EIF5: variants seen among roughly 807,000 people sequenced by gnomAD.
EIF5 encodes the protein eukaryotic translation initiation factor 5.
A neutral mutation model predicts 48.3 loss-of-function variants in EIF5; 10 were observed. The ratio of observed to expected loss-of-function variants is 0.21; its 90% CI spans 0.13 to 0.35. The LOEUF is 0.35. EIF5 is among the 10% of genes least tolerant of loss of function. The pLI is 1.00. For missense variants in EIF5, 397 were observed against 533.2 expected (o/e 0.74, Z 2.51); for synonymous variants, 237 against 173.1 (o/e 1.37, Z -2.90).
Position 103,345,016 on chromosome 14 carries a change from GTCAA to G in EIF5, c.*3969_*3972del, listed in dbSNP as rs1416767163. On this transcript the variant is annotated 3_prime_UTR_variant, in exon 12 of 12. Transcript: ENST00000216554. ...TAGATTTTAATAAAGTGTGAAAGTT[GTCAA>G]TCAAAGCGGAGTCACTTGTGTTCAA... is the stretch of plus-strand genomic sequence containing the variant. The G allele has an allele frequency of 7.9e-5, 12 of 152,206 alleles. No homozygotes were observed. Among genetic ancestry groups the G allele is most frequent in the East Asian group, 1.9e-4 (1 of 5,196 alleles). The allele number at this position is 152,206 out of a possible 1,614,324, so 9.4% of individuals were successfully genotyped here. A position where few individuals can be genotyped will look rare whatever the true frequency, so the allele number is the denominator to read the frequency against.
Position 103,344,885 on chromosome 14 carries a change from T to G in EIF5, c.*3833T>G, listed in dbSNP as rs1403053665. 1 of 152,044 alleles carries G rather than the reference T, an allele frequency of 6.6e-6. No homozygotes were observed. The highest frequency in any genetic ancestry group is 2.4e-5 in the African/African-American group (1 of 41,290). 9.4% of individuals were successfully genotyped at this position (152,044 alleles called of 1,614,324 possible). On this transcript the variant is annotated 3_prime_UTR_variant, in exon 12 of 12. Coordinates refer to ENST00000216554, the MANE Select transcript of EIF5 (RefSeq NM_001969.5). ...TTTTTAGGTCTAGCAATACACTGTT[T>G]ACAAGAGCATCACCTAAAATGTGAC...
At chr14:103,338,666 G>C (rs1342022889) in intron 7 of EIF5, 69 bp from the exon 8 acceptor site, 1 of 1,567,912 alleles carries the variant, frequency 6.4e-7, no homozygotes, top group Non-Finnish European at 8.6e-7. Flanking sequence ...CCATTAACTT[G>C]GCAAAATCTG....
At position 103,338,624 on chromosome 14, in the gene EIF5, G is replaced by T. The variant is rs1055183350; in HGVS notation, c.586-111G>T. 4 of 1,522,558 alleles carry T rather than the reference G, an allele frequency of 2.6e-6. No individual in the cohort carries two copies. In the African/African-American group the frequency reaches 5.6e-5, roughly 21 times the overall value. 94.3% of individuals were successfully genotyped at this position (1,522,558 alleles called of 1,614,324 possible). A position where few individuals can be genotyped will look rare whatever the true frequency, so the allele number is the denominator to read the frequency against. On this transcript the variant is annotated intron_variant, in intron 7 of 11. Coordinates refer to ENST00000216554, the MANE Select transcript of EIF5 (RefSeq NM_001969.5). Reference sequence around the variant, plus strand: ...TACTGTTTGTTGTTTGAATTAAGGTGAACCCAATTTTGGATGGAGATGGAC... The same window carrying T: ...TACTGTTTGTTGTTTGAATTAAGGTTAACCCAATTTTGGATGGAGATGGAC...
At chr14:103,340,681 A>T (rs1389344603) in intron 11 of EIF5, 120 bp downstream of exon 11, 9 of 1,319,348 alleles carry the variant, frequency 6.8e-6, no homozygotes, top group Non-Finnish European at 9.3e-6. Flanking sequence ...AGAATTTAAG[A>T]TGCAGTAAAA....
chr14:103,343,432 A>G lies in EIF5; in HGVS notation c.*2380A>G, dbSNP rs1190474942. Reference sequence around the variant, plus strand: ...CAGGTGCTTAATAGGGAACATACATACAGCTATGTAACTGTGAATAATTGT... The same window carrying G: ...CAGGTGCTTAATAGGGAACATACATGCAGCTATGTAACTGTGAATAATTGT... On this transcript the variant is annotated 3_prime_UTR_variant, in exon 12 of 12. Coordinates refer to ENST00000216554, the MANE Select transcript of EIF5 (RefSeq NM_001969.5). 1 of 151,944 alleles carries G rather than the reference A, an allele frequency of 6.6e-6. No individual in the cohort carries two copies. Among genetic ancestry groups the G allele is most frequent in the Non-Finnish European group, 1.5e-5 (1 of 67,968 alleles). 9.4% of individuals were successfully genotyped at this position (151,944 alleles called of 1,614,324 possible).
At chr14:103,340,818 T>TG (rs2089344764) in intron 11 of EIF5, 145 bp from the exon 12 acceptor site, 2 of 913,808 alleles carry the variant, frequency 2.2e-6, no homozygotes, top group South Asian at 3.3e-5. Flanking sequence ...TAAGAGAACT[T>TG]GCAGTGTTTG....
intron 8 of EIF5, 51 bp from the exon 9 acceptor site, chr14:103,339,121 C>A: frequency 6.4e-7 from 1 of 1,562,070 alleles, no homozygotes; most frequent in South Asian, 1.2e-5. Flanking sequence ...GTGTCTTGAG[C>A]CTGGCAAAGT....
chr14:103,338,883 A>G lies in EIF5; in HGVS notation c.734A>G (p.Asp245Gly), dbSNP rs2089320239. 1.9e-6 allele frequency: 3 copies of G among 1,613,568 alleles called. No individual in the cohort carries two copies. Among genetic ancestry groups the G allele is most frequent in the Non-Finnish European group, 2.5e-6 (3 of 1,179,864 alleles). ...GAGGAGAGGGTCAATATCCTCTTTG[A>G]TTTTGTTAAGGTAAAACATTTGCTT... is the stretch of plus-strand genomic sequence containing the variant. ...TIEERVNILF[D>G]FVKKKKEEGV... Residue 245 changes from aspartate (D) to glycine (G), a missense_variant, in exon 8 of 12, where the codon GAT (aspartate) becomes GGT (glycine). Around this residue, in one of 4 missense-constraint regions of EIF5, gnomAD observed 126 missense variants for 141.9 expected, o/e 0.89. Coordinates refer to ENST00000216554, the MANE Select transcript of EIF5 (RefSeq NM_001969.5).
chr14:103,343,060 C>T lies in EIF5; in HGVS notation c.*2008C>T, dbSNP rs771259473. The T allele has an allele frequency of 1.3e-5, 2 of 152,626 alleles. No homozygotes were observed. Among genetic ancestry groups the T allele is most frequent in the Non-Finnish European group, 2.9e-5 (2 of 68,038 alleles). The allele number at this position is 152,626 out of a possible 1,614,324, so 9.5% of individuals were successfully genotyped here. On this transcript the variant is annotated 3_prime_UTR_variant, in exon 12 of 12. Coordinates refer to ENST00000216554, the MANE Select transcript of EIF5 (RefSeq NM_001969.5). ...GGAATACAAATTCACATAATCTGAA[C>T]TTTGTTCACAGGTTATCCTAATAGA...
intron 10 of EIF5, 26 bp downstream of exon 10, chr14:103,339,829 A>G (rs763105240): frequency 6.2e-7 from 1 of 1,603,930 alleles, no homozygotes; most frequent in South Asian, 1.1e-5. Flanking sequence ...GTGGGCTCTT[A>G]AAGTTCACAG....
chr14:103,340,659 A>G, intron 11 of EIF5, 98 bp downstream of exon 11: 1 of 1,474,582 alleles, frequency 6.8e-7, no homozygotes, highest in Non-Finnish European at 9.1e-7. Context: ...AGTTTGGGGT[A>G]ATTTCAGGTT....
chr14:103,334,348 C>G (rs370321864), intron 1 of EIF5, 41 bp from the exon 2 acceptor site: 2,475 of 152,384 alleles, frequency 0.016, 28 homozygotes, highest in East Asian at 0.03. Context: ...AGGTGCACTC[C>G]CCGACCGCCC....
rs2089397742 is a variant in EIF5 at position 103,344,973 on chromosome 14, T to C, written c.*3921T>C. ...ATACACTAACCAAAAATGTAGCTCT[T>C]TGAATCTCAGAAAAAAGTAGATTTT... On this transcript the variant is annotated 3_prime_UTR_variant, in exon 12 of 12. Transcript: ENST00000216554. The C allele has an allele frequency of 6.6e-6, 1 of 151,844 alleles. No individual in the cohort carries two copies. Among genetic ancestry groups the C allele is most frequent in the South Asian group, 2.1e-4 (1 of 4,824 alleles). 9.4% of individuals were successfully genotyped at this position (151,844 alleles called of 1,614,324 possible).
At position 103,341,963 on chromosome 14, in the gene EIF5, C is replaced by T. The variant is rs2089357851; in HGVS notation, c.*911C>T. The T allele has an allele frequency of 6.6e-6, 1 of 152,474 alleles. No individual in the cohort carries two copies. Among genetic ancestry groups the T allele is most frequent in the Non-Finnish European group, 1.5e-5 (1 of 67,968 alleles). The allele number at this position is 152,474 out of a possible 1,614,324, so 9.4% of individuals were successfully genotyped here. A position where few individuals can be genotyped will look rare whatever the true frequency, so the allele number is the denominator to read the frequency against. ...TGCCCTTAGGGTTTAAATTACAATT[C>T]CAAAATGTTAGACATACTGTATTTT... On this transcript the variant is annotated 3_prime_UTR_variant, in exon 12 of 12. Coordinates refer to ENST00000216554, the MANE Select transcript of EIF5 (RefSeq NM_001969.5).
intron 9 of EIF5, 144 bp downstream of exon 9, chr14:103,339,477 C>T: frequency 7.2e-7 from 1 of 1,393,996 alleles, no homozygotes; most frequent in South Asian, 1.4e-5. Context: ...TCTGAAAGTG[C>T]CATACCTAGG....
rs756236739 is a variant in EIF5, at chr14:103,338,955, T to C, written c.744+62T>C. 130 of 1,572,910 alleles carry C rather than the reference T, an allele frequency of 8.3e-5. No homozygotes were observed. In the Middle Eastern group the frequency reaches 1.2e-3, roughly 14 times the overall value. On this transcript the variant is annotated intron_variant, in intron 8 of 11. Coordinates refer to ENST00000216554, the MANE Select transcript of EIF5 (RefSeq NM_001969.5). The stretch of plus-strand genomic sequence containing the variant: ...CCAGCCTTGTTTGTGCCTTTAGATA[T>C]ATGATACTTTAGCAGTGTAATTAGG...
chr14:103,340,769 T>TA (rs78159990), intron 11 of EIF5, among the ~76,000 whole-genome samples, 194 bp from the exon 12 acceptor site: 22 of 152,276 alleles, frequency 1.4e-4, no homozygotes, highest in South Asian at 6.2e-4. Flanking sequence ...TTATAGTCTA[T>TA]AAAAAAACTT....
Position 103,341,153 on chromosome 14 carries a change from C to CA in EIF5, c.*102dup. On this transcript the variant is annotated 3_prime_UTR_variant, in exon 12 of 12. Coordinates refer to ENST00000216554, the MANE Select transcript of EIF5 (RefSeq NM_001969.5). Reference sequence around the variant, plus strand: ...ATGTGCAAAAGCTAAAATGGCTTAACATCATGCTACACTTTACACTAAAAA... The same window carrying CA: ...ATGTGCAAAAGCTAAAATGGCTTAACAATCATGCTACACTTTACACTAAAAA... 1.0e-6 allele frequency: 1 copy of CA among 1,000,568 alleles called. No homozygotes were observed. The highest frequency in any genetic ancestry group is 1.6e-6 in the Non-Finnish European group (1 of 641,004). 62.0% of individuals were successfully genotyped at this position (1,000,568 alleles called of 1,614,324 possible).
At position 103,338,461 on chromosome 14, in the gene EIF5, C is replaced by A. The variant is rs1383182024; in HGVS notation, c.574C>A (p.Pro192Thr). ...ACCACCAAATGAAATTAATCCTCCT[C>A]CACATACAATGGTGAGTGCAGGGTT... ...PPPPNEINPPPHTMEEEEDDD... is the reference protein window; with the variant it reads ...PPPPNEINPPTHTMEEEEDDD... The change falls in exon 7 of 12, where the codon CCA (proline) becomes ACA (threonine). Residue 192 changes from proline to threonine, a missense_variant. Pro to Thr is a conservative substitution (Grantham distance 38). This residue lies in a region of EIF5 where 126 missense variants were observed against 141.9 expected (regional missense o/e 0.89). Coordinates refer to ENST00000216554, the MANE Select transcript of EIF5 (RefSeq NM_001969.5). 6.4e-7 allele frequency: 1 copy of A among 1,570,752 alleles called. No homozygotes were observed. The highest frequency in any genetic ancestry group is 8.6e-7 in the Non-Finnish European group (1 of 1,157,272).
Sources: gnomAD v4.1 joint callset for allele counts (sites outside exome capture counted in the v4.1 genomes callset) on GRCh38, gnomAD v4.1.1 for gene constraint, gnomAD v4.1.1 regional missense constraint, MANE v1.5 for transcripts, NCBI Gene and HGNC (gene_info 2026-07-23, HGNC 2026-07-21) for gene names.